Variants in MAPKAP1 observed in about 807,000 individuals in gnomAD.
MAPKAP1 encodes target of rapamycin complex 2 subunit MAPKAP1.
Under a neutral mutation model 65.7 loss-of-function variants are expected in MAPKAP1, and 20 were observed. The ratio of observed to expected loss-of-function variants is 0.30; its 90% CI spans 0.21 to 0.44. The LOEUF is 0.44. MAPKAP1 is among the 20% of genes least tolerant of loss of function. MAPKAP1 has a pLI of 1.00. For missense variants in MAPKAP1, 423 were observed against 648.0 expected, an observed-to-expected ratio of 0.65 and a Z score of 3.77; for synonymous variants, 222 against 244.3, an observed-to-expected ratio of 0.91 and a Z score of 0.85.
intron 4 of MAPKAP1, among the ~76,000 whole-genome samples, chr9:125,632,943 G>A (rs1356226006): frequency 4.6e-5 from 7 of 152,174 alleles, no homozygotes; most frequent in Non-Finnish European, 7.3e-5. Context: ...TTTAACCACA[G>A]CCCTCTATCT....
chr9:125,617,030 A>C (rs1832765836), intron 4 of MAPKAP1, among the ~76,000 whole-genome samples: 1 of 152,158 alleles, frequency 6.6e-6, no homozygotes, highest in African/African-American at 2.4e-5. Context: ...TATGCATGTT[A>C]TGTGTTTCTA....
chr9:125,488,030 G>C (rs1854554909), intron 8 of MAPKAP1, among the ~76,000 whole-genome samples: 1 of 152,208 alleles, frequency 6.6e-6, no homozygotes. Flanking sequence ...AACCAGCAAG[G>C]CTTGTCAATA....
intron 4 of MAPKAP1, among the ~76,000 whole-genome samples, chr9:125,647,473 A>C (rs569189650): frequency 1.1e-4 from 17 of 152,280 alleles, no homozygotes; most frequent in Admixed American, 3.3e-4. Flanking sequence ...AGGATAAGAA[A>C]CTGGCTCAGA....
chr9:125,615,934 A>G (rs1033863429), intron 4 of MAPKAP1, among the ~76,000 whole-genome samples: 3 of 152,036 alleles, frequency 2.0e-5, no homozygotes, highest in Non-Finnish European at 2.9e-5. Flanking sequence ...AAAAAAGAAA[A>G]GAAAAGAGAA....
At chr9:125,619,145 AC>A (rs1832826619) in intron 4 of MAPKAP1, among the ~76,000 whole-genome samples, 1 of 152,142 alleles carries the variant, frequency 6.6e-6, no homozygotes, top group South Asian at 2.1e-4. Flanking sequence ...AAACACAAAA[AC>A]AAAAAACTGT....
chr9:125,632,021 ACCAGCCTGG>A (rs1833297679), intron 4 of MAPKAP1, among the ~76,000 whole-genome samples: 2 of 152,072 alleles, frequency 1.3e-5, no homozygotes, highest in African/African-American at 4.8e-5. Flanking sequence ...GGAGTTCAAG[ACCAGCCTGG>A]CCAACATGGT....
At chr9:125,702,860 G>GAA (rs368970539) in intron 1 of MAPKAP1, among the ~76,000 whole-genome samples, 4 of 125,648 alleles carry the variant, frequency 3.2e-5, no homozygotes, top group Non-Finnish European at 5.2e-5. Context: ...CTCAAAAAAA[G>GAA]AAAAAAAAAA....
intron 5 of MAPKAP1, among the ~76,000 whole-genome samples, chr9:125,574,008 C>T (rs1304142713): frequency 1.3e-5 from 2 of 152,186 alleles, no homozygotes; most frequent in Non-Finnish European, 2.9e-5. Flanking sequence ...CTCTACTCAC[C>T]ACTGTATACC....
At chr9:125,565,448 G>GC (rs1347349695) in intron 5 of MAPKAP1, 4 of 169,580 alleles carry the variant, frequency 2.4e-5, no homozygotes, top group Non-Finnish European at 5.4e-5. Context: ...AATGCTTATT[G>GC]TTTTTTTTTT....
intron 4 of MAPKAP1, among the ~76,000 whole-genome samples, chr9:125,641,966 A>G (rs187407435): frequency 8.6e-4 from 131 of 152,322 alleles, no homozygotes; most frequent in Admixed American, 2.6e-3. Flanking sequence ...TGGGTGGCAG[A>G]GGTTGCAGTG....
In MAPKAP1 at chr9:125,447,427, C is replaced by T. The variant is rs1366119100; in HGVS notation, c.1346-2829G>A. The T allele has an allele frequency of 1.3e-5, 6 of 456,524 alleles. 1 individual carries two copies. The highest frequency in any genetic ancestry group is 3.1e-5 in the South Asian group (2 of 64,566). 28.3% of individuals were successfully genotyped at this position (456,524 alleles called of 1,614,324 possible). Reference sequence around the variant, plus strand: ...CAAAGTTAATCACTGGGCCGAGGCACGGTGGACAGCCACAGCAGACAGCCC... The same window carrying T: ...CAAAGTTAATCACTGGGCCGAGGCATGGTGGACAGCCACAGCAGACAGCCC... On this transcript the variant is annotated intron_variant, in intron 10 of 11. Coordinates refer to ENST00000265960, the MANE Select transcript of MAPKAP1 (RefSeq NM_001006617.3). This position sits in a 1 kb window ranked among gnomAD's most constrained non-coding sequence, Gnocchi z 4.5.
chr9:125,549,122 C>T (rs1160206686), intron 6 of MAPKAP1, among the ~76,000 whole-genome samples: 1 of 152,220 alleles, frequency 6.6e-6, no homozygotes, highest in Non-Finnish European at 1.5e-5. Context: ...TCCACTGTAA[C>T]AAATTCAGCT....
intron 5 of MAPKAP1, among the ~76,000 whole-genome samples, chr9:125,561,894 G>A (rs1589289572): frequency 1.3e-5 from 2 of 152,316 alleles, no homozygotes; most frequent in East Asian, 3.9e-4. Context: ...AATTGTGGAT[G>A]CATATTAAGC....
intron 4 of MAPKAP1, among the ~76,000 whole-genome samples, chr9:125,618,816 G>A (rs1382397320): frequency 1.3e-5 from 2 of 152,100 alleles, no homozygotes; most frequent in Non-Finnish European, 2.9e-5. Flanking sequence ...ATCCACCCCC[G>A]CACCTTTATT....
intron 6 of MAPKAP1, among the ~76,000 whole-genome samples, chr9:125,547,992 A>T (rs1830478147): frequency 6.6e-6 from 1 of 152,236 alleles, no homozygotes; most frequent in Non-Finnish European, 1.5e-5. Flanking sequence ...CAAGTTGTCC[A>T]CTGTTTAACA....
At chr9:125,620,595 G>A (rs1394312212) in intron 4 of MAPKAP1, among the ~76,000 whole-genome samples, 1 of 152,124 alleles carries the variant, frequency 6.6e-6, no homozygotes, top group Non-Finnish European at 1.5e-5. Flanking sequence ...TAAAAGATTA[G>A]AAACAAGTCA....
Position 125,459,253 on chromosome 9 carries a change from T to G in MAPKAP1, c.1345+8719A>C, listed in dbSNP as rs1406043617. On this transcript the variant is annotated intron_variant, in intron 10 of 11. Coordinates refer to ENST00000265960, the MANE Select transcript of MAPKAP1 (RefSeq NM_001006617.3). ...AGAGAGGCTCCTCACTTCCTAGATG[T>G]GATGGCGGCCGGGAAGAGGCGCTCC... Among the ~76,000 whole-genome samples the G allele has an allele frequency of 8.5e-5, 12 of 140,958 alleles. No homozygotes were observed. The South Asian group carries it at 1.4e-3, about 16-fold the overall frequency. 92.5% of individuals were successfully genotyped at this position (140,958 alleles called of 152,430 possible).
chr9:125,672,916 T>C (rs967075905), intron 1 of MAPKAP1, among the ~76,000 whole-genome samples: 3 of 152,242 alleles, frequency 2.0e-5, no homozygotes, highest in African/African-American at 7.2e-5. Flanking sequence ...GTCAGGCCAC[T>C]CGAAGCACAT....
At chr9:125,460,035 TC>T (rs10714275) in intron 10 of MAPKAP1, among the ~76,000 whole-genome samples, 74,177 of 151,802 alleles carry the variant, frequency 0.49, 18,984 homozygotes, top group African/African-American at 0.66. Flanking sequence ...AAACAGATTA[TC>T]CCCCATCATT....
Sources: allele counts gnomAD v4.1 joint callset (sites outside exome capture counted in the v4.1 genomes callset), GRCh38; gene constraint gnomAD v4.1.1; non-coding constraint Gnocchi (gnomAD v3.1); transcripts MANE v1.5; gene names NCBI Gene and HGNC (gene_info 2026-07-23, HGNC 2026-07-21).